Variants in EML5 observed in about 807,000 individuals in gnomAD.
EML5 encodes the protein EMAP like 5.
Under a neutral mutation model 250.0 loss-of-function variants are expected in EML5, and 120 were observed. The ratio of observed to expected loss-of-function variants is 0.48; its 90% confidence interval spans 0.41 to 0.56. The LOEUF (loss-of-function observed/expected upper bound fraction) is 0.56, where lower values mean the gene tolerates loss of function less well. Among genes scored for constraint, EML5 ranks in the 20% least tolerant of loss-of-function variants. EML5 has a pLI of 0.00. For synonymous variants in EML5, 771 were observed against 806.5 expected, an observed-to-expected ratio of 0.96 and a Z score of 0.75; for missense variants, 2,006 against 2,437.6, an observed-to-expected ratio of 0.82 and a Z score of 3.73.
chr14:88,756,259 T>C (rs1347175839), intron 1 of EML5, among the ~76,000 whole-genome samples: 1 of 152,144 alleles, frequency 6.6e-6, no homozygotes, highest in Non-Finnish European at 1.5e-5. Context: ...AAAACTCCCA[T>C]ATATGTTTAT....
intron 9 of EML5, among the ~76,000 whole-genome samples, chr14:88,714,010 G>A (rs2093449607): frequency 6.7e-6 from 1 of 149,858 alleles, no homozygotes; most frequent in East Asian, 2.0e-4. Context: ...GCTAGTTTTT[G>A]TATTTTTAGT....
intron 21 of EML5, among the ~76,000 whole-genome samples, chr14:88,678,387 C>T (rs527902325): frequency 2.6e-5 from 4 of 152,160 alleles, no homozygotes; most frequent in East Asian, 1.9e-4. Context: ...TCATGGCACA[C>T]GTTTCCCTAT....
intron 25 of EML5, among the ~76,000 whole-genome samples, chr14:88,660,852 A>G (rs2092071922): frequency 6.6e-6 from 1 of 152,184 alleles, no homozygotes; most frequent in Non-Finnish European, 1.5e-5. Context: ...TTTAAAATGC[A>G]CATATATTCT....
In EML5 at chr14:88,787,294, G is replaced by C. The variant is rs181252934; in HGVS notation, c.197+5013C>G. Among the ~76,000 whole-genome samples, 235 of 152,276 alleles carry C rather than the reference G, an allele frequency of 1.5e-3. 2 individuals are homozygous for C. Among genetic ancestry groups the C allele is most frequent in the African/African-American group, 4.6e-3 (190 of 41,546 alleles). Reference sequence around the variant, plus strand: ...GTATACATATGCTCATTGAGCATCTGATTGTGTCTAAACTCTGAGTATCTT... The same window carrying C: ...GTATACATATGCTCATTGAGCATCTCATTGTGTCTAAACTCTGAGTATCTT... On this transcript the variant is annotated intron_variant, in intron 1 of 43. Transcript: ENST00000554922.
At chr14:88,740,983 C>T (rs2093916326) in intron 4 of EML5, among the ~76,000 whole-genome samples, 1 of 151,904 alleles carries the variant, frequency 6.6e-6, no homozygotes, top group African/African-American at 2.4e-5. Context: ...GCCAATATGG[C>T]GAAGTCCCAT....
chr14:88,685,729 T>C (rs1595516906), intron 19 of EML5, among the ~76,000 whole-genome samples: 1 of 152,152 alleles, frequency 6.6e-6, no homozygotes, highest in Non-Finnish European at 1.5e-5. Flanking sequence ...GGATTACAGA[T>C]GTGGGCCACC....
At position 88,684,999 on chromosome 14, in the gene EML5, T is replaced by A. The variant is rs12888022; in HGVS notation, c.2982+16A>T. On this transcript the variant is annotated intron_variant, in intron 20 of 43. Transcript: ENST00000554922. ...TGTATGTAAAGAAAAAAAAACAAAT[T>A]AGCATTTAAAATTACCTGAACCAGA... The A allele has an allele frequency of 1.9e-6, 3 of 1,585,266 alleles. No homozygotes were observed. The highest frequency in any genetic ancestry group is 1.7e-6 in the Non-Finnish European group (2 of 1,167,950).
At chr14:88,643,089 T>A in intron 30 of EML5, 67 bp from the exon 31 acceptor site, 1 of 1,420,966 alleles carries the variant, frequency 7.0e-7, no homozygotes, top group Non-Finnish European at 9.4e-7. Flanking sequence ...TGTTTTGTTG[T>A]ATACGTAATA....
chr14:88,690,999 G>A (rs570290551), intron 17 of EML5, among the ~76,000 whole-genome samples: 1 of 152,294 alleles, frequency 6.6e-6, no homozygotes, highest in South Asian at 2.1e-4. Context: ...CTGCACCCAG[G>A]GTCTGCCTCC....
chr14:88,704,735 G>A, intron 13 of EML5, 125 bp downstream of exon 13: 1 of 613,902 alleles, frequency 1.6e-6, no homozygotes, highest in East Asian at 2.8e-5. Context: ...TTTCCCCATG[G>A]GCAATGTTGT....
chr14:88,685,681 C>A (rs1170153130), intron 19 of EML5, among the ~76,000 whole-genome samples: 5 of 152,002 alleles, frequency 3.3e-5, no homozygotes, highest in Admixed American at 1.3e-4. Context: ...AACTCCTGGG[C>A]TCAGGAGTTC....
intron 1 of EML5, among the ~76,000 whole-genome samples, chr14:88,782,089 A>G (rs1045291154): frequency 7.2e-5 from 11 of 152,236 alleles, no homozygotes; most frequent in Non-Finnish European, 1.5e-5. Context: ...GTAAGTTCCT[A>G]GAGACTTGTT....
intron 34 of EML5, chr14:88,627,434 G>C (rs148838566): frequency 1.8e-4 from 96 of 519,832 alleles, no homozygotes; most frequent in Admixed American, 4.5e-4. Context: ...TGCTAATAAT[G>C]GTTTCATTAA....
chr14:88,785,234 C>CA (rs1182933472), intron 1 of EML5, among the ~76,000 whole-genome samples: 1 of 151,642 alleles, frequency 6.6e-6, no homozygotes, highest in Non-Finnish European at 1.5e-5. Flanking sequence ...TTAATGGGTA[C>CA]AAAAAAAGAG....
intron 36 of EML5, 66 bp from the exon 37 acceptor site, chr14:88,622,784 A>G: frequency 2.7e-6 from 3 of 1,108,686 alleles, no homozygotes; most frequent in African/African-American, 3.4e-5. Context: ...TTATAAACAA[A>G]TACCAAGTTA....
In EML5 at chr14:88,697,536, C is replaced by T. The variant is rs189297165; in HGVS notation, c.2239-584G>A. On this transcript the variant is annotated intron_variant, in intron 14 of 43. Transcript: ENST00000554922. ...GAAAAGGCAAATCTACTGCAGCACT[C>T]TGTCACTTATTTTTTAACTTGGTTT... Among the ~76,000 whole-genome samples the T allele has an allele frequency of 6.0e-4, 91 of 152,272 alleles. 1 individual carries two copies. In the East Asian group the frequency reaches 0.015, roughly 26 times the overall value.
intron 6 of EML5, among the ~76,000 whole-genome samples, chr14:88,737,198 G>A (rs572811649): frequency 6.6e-6 from 1 of 152,306 alleles, no homozygotes; most frequent in Non-Finnish European, 1.5e-5. Context: ...CAAGCAACAG[G>A]AGAGGGAGCC....
At chr14:88,698,410 G>A (rs1361215475) in intron 14 of EML5, among the ~76,000 whole-genome samples, 2 of 151,814 alleles carry the variant, frequency 1.3e-5, no homozygotes, top group African/African-American at 4.8e-5. Flanking sequence ...GGGACTACAG[G>A]CATGCACCAC....
intron 1 of EML5, among the ~76,000 whole-genome samples, chr14:88,761,147 C>T (rs1366475684): frequency 1.3e-5 from 2 of 152,166 alleles, no homozygotes; most frequent in East Asian, 3.9e-4. Context: ...TTTCTATAAG[C>T]CTTTTTATTT....
Sources: allele counts gnomAD v4.1 joint callset (sites outside exome capture counted in the v4.1 genomes callset), GRCh38; gene constraint gnomAD v4.1.1; transcripts MANE v1.5; gene names NCBI Gene and HGNC (gene_info 2026-07-23, HGNC 2026-07-21).